UGT1A9: variants seen among roughly 807,000 people sequenced by gnomAD.
UGT1A9 encodes the protein UDP glucuronosyltransferase family 1 member A9.
UGT1A9 carries 35 observed loss-of-function variants against 45.0 expected under a neutral mutation model. The ratio of observed to expected loss-of-function variants is 0.78; its 90% CI spans 0.59 to 1.03. UGT1A9 has a LOEUF of 1.03. UGT1A9 is among the 50% of genes least tolerant of loss of function. The pLI, the probability that UGT1A9 is intolerant of heterozygous loss-of-function variation, is 0.00. For missense variants in UGT1A9, 687 were observed against 666.6 expected (o/e 1.03, Z -0.34); for synonymous variants, 278 against 250.6 (o/e 1.11, Z -1.03).
At chr2:233,743,699 G>C (rs780880081) in intron 1 of UGT1A9, 1 of 1,367,268 alleles carries the variant, frequency 7.3e-7, no homozygotes, top group Non-Finnish European at 9.8e-7. Flanking sequence ...GCCGCCCTCC[G>C]CCCCCGCCTC....
At chr2:233,768,541 A>G in intron 4 of UGT1A9, 102 bp downstream of exon 4, 3 of 1,492,216 alleles carry the variant, frequency 2.0e-6, no homozygotes, top group South Asian at 1.3e-5. Context: ...GTTGTTTCAA[A>G]TATAAAAACA....
intron 1 of UGT1A9, among the ~76,000 whole-genome samples, chr2:233,700,387 T>C (rs887496616): frequency 6.6e-6 from 1 of 152,216 alleles, no homozygotes; most frequent in African/African-American, 2.4e-5. Flanking sequence ...TCCAGGCATG[T>C]GGAACATTTT....
intron 1 of UGT1A9, among the ~76,000 whole-genome samples, chr2:233,702,498 T>C (rs1372643212): frequency 6.6e-6 from 1 of 152,198 alleles, no homozygotes; most frequent in Non-Finnish European, 1.5e-5. Context: ...TAGTACCGTG[T>C]TGAATAGAAG....
At chr2:233,724,684 G>A (rs1018251695) in intron 1 of UGT1A9, among the ~76,000 whole-genome samples, 5 of 144,476 alleles carry the variant, frequency 3.5e-5, no homozygotes, top group Non-Finnish European at 6.0e-5. Context: ...ATGGGATGGC[G>A]GCCGGGTGAA....
At chr2:233,702,416 C>T (rs186724566) in intron 1 of UGT1A9, among the ~76,000 whole-genome samples, 47 of 152,146 alleles carry the variant, frequency 3.1e-4, no homozygotes, top group African/African-American at 1.1e-3. Context: ...ATAGAGATAG[C>T]GTTACTTCTT....
In UGT1A9 at chr2:233,769,639, C is replaced by T; in HGVS notation, c.1295+1200C>T. 2.5e-6 allele frequency: 4 copies of T among 1,609,972 alleles called. No homozygotes were observed. The highest frequency in any genetic ancestry group is 1.3e-5 in the African/African-American group (1 of 75,022). The stretch of plus-strand genomic sequence containing the variant: ...TTGAGCAAGGGACAACAGGGGAGGA[C>T]TGATGACTGACTTCCCACCTTTGAG... On this transcript the variant is annotated intron_variant, in intron 4 of 4. Transcript: ENST00000354728. This position sits in a 1 kb window ranked among gnomAD's most constrained non-coding sequence, Gnocchi z 4.4.
chr2:233,760,801 T>G (rs1365770885), intron 1 of UGT1A9: 2 of 1,613,398 alleles, frequency 1.2e-6, no homozygotes, highest in South Asian at 1.1e-5. Context: ...TGTATTCTTC[T>G]TGCATGCACT....
chr2:233,696,348 T>G (rs2075339428), intron 1 of UGT1A9, among the ~76,000 whole-genome samples: 1 of 152,086 alleles, frequency 6.6e-6, no homozygotes, highest in Non-Finnish European at 1.5e-5. Flanking sequence ...ATCTTTCACT[T>G]CCTTCCTTAA....
rs2126030462 is a variant in UGT1A9 at position 233,767,128 on chromosome 2, T to C, written c.950T>C (p.Met317Thr). The change falls in exon 2 of 5, where the codon ATG (methionine) becomes ACG (threonine). Residue 317 changes from methionine to threonine, a missense_variant. Transcript: ENST00000354728. Reference protein sequence around the residue: ...MVSEIPEKKAMAIADALGKIP... With the variant: ...MVSEIPEKKATAIADALGKIP... ...TCAGAAATTCCAGAGAAGAAAGCTA[T>C]GGCAATTGCTGATGCTTTGGGCAAA... 1 of 1,614,150 alleles carries C rather than the reference T, an allele frequency of 6.2e-7. No individual in the cohort carries two copies. The highest frequency in any genetic ancestry group is 1.3e-5 in the African/African-American group (1 of 75,052).
At position 233,769,677 on chromosome 2, in the gene UGT1A9, G is replaced by A; in HGVS notation, c.1295+1238G>A. 6.3e-6 allele frequency: 10 copies of A among 1,577,312 alleles called. No homozygotes were observed. Among genetic ancestry groups the A allele is most frequent in the Non-Finnish European group, 8.6e-6 (10 of 1,161,616 alleles). ...TCCCACCTTTGAGGTGCTAATGTGT[G>A]TGTGGTGGCACTGGATAAAAGATCA... On this transcript the variant is annotated intron_variant, in intron 4 of 4. Transcript: ENST00000354728. The surrounding 1 kb of genome is among the most constrained non-coding windows in gnomAD (Gnocchi z 4.4).
chr2:233,730,885 G>C (rs948643464), intron 1 of UGT1A9, among the ~76,000 whole-genome samples: 12 of 152,158 alleles, frequency 7.9e-5, no homozygotes, highest in South Asian at 2.1e-4. Flanking sequence ...TTTCTATAGT[G>C]GGATCTACTC....
intron 1 of UGT1A9, chr2:233,713,109 C>G: frequency 2.5e-6 from 4 of 1,614,208 alleles, no homozygotes; most frequent in Non-Finnish European, 3.4e-6. Flanking sequence ...TGATGGCAGC[C>G]ACTGGCTCAG....
At chr2:233,731,988 G>T (rs2078227484) in intron 1 of UGT1A9, among the ~76,000 whole-genome samples, 1 of 152,200 alleles carries the variant, frequency 6.6e-6, no homozygotes, top group South Asian at 2.1e-4. Flanking sequence ...TAACTGGCGT[G>T]AGATGGTATC....
chr2:233,721,727 T>TA, intron 1 of UGT1A9: 1 of 404,726 alleles, frequency 2.5e-6, no homozygotes, highest in South Asian at 1.9e-5. Flanking sequence ...TTTACTTGGA[T>TA]AAGCTTAATG....
intron 1 of UGT1A9, among the ~76,000 whole-genome samples, chr2:233,681,594 C>T (rs530753313): frequency 6.7e-6 from 1 of 149,680 alleles, no homozygotes; most frequent in Admixed American, 6.6e-5. Flanking sequence ...AAATTATTAG[C>T]TTCGTTCAAA....
chr2:233,729,675 G>A, intron 1 of UGT1A9: 1 of 1,613,858 alleles, frequency 6.2e-7, no homozygotes, highest in Non-Finnish European at 8.5e-7. Flanking sequence ...TAGACTTTAA[G>A]GGCACACAGT....
At chr2:233,673,873 C>T (rs2074267276) in intron 1 of UGT1A9, among the ~76,000 whole-genome samples, 1 of 152,150 alleles carries the variant, frequency 6.6e-6, no homozygotes, top group Non-Finnish European at 1.5e-5. Flanking sequence ...AAAGAATTCC[C>T]TTCTCTGATA....
At chr2:233,681,997 T>C in intron 1 of UGT1A9, 2 of 1,614,180 alleles carry the variant, frequency 1.2e-6, no homozygotes, top group South Asian at 2.2e-5. Flanking sequence ...TGCTGACCTG[T>C]GGCTTTGCCA....
In UGT1A9 at chr2:233,725,076, A is replaced by G. The variant is rs376662690; in HGVS notation, c.856-41958A>G. ...GCGGCGCGCGCCTGCAATCGCAGGC[A>G]CTCGGCAGGCTGAGGCAGGAGAATC... On this transcript the variant is annotated intron_variant, in intron 1 of 4. Transcript: ENST00000354728. 5.6e-3 allele frequency among the ~76,000 whole-genome samples: 814 copies of G among 144,798 alleles called. 36 individuals carry two copies. Among genetic ancestry groups the G allele is most frequent in the Non-Finnish European group, 8.9e-3 (583 of 65,736 alleles). 95.0% of individuals were successfully genotyped at this position (144,798 alleles called of 152,430 possible).
Sources: allele counts gnomAD v4.1 joint callset (sites outside exome capture counted in the v4.1 genomes callset), GRCh38; gene constraint gnomAD v4.1.1; non-coding constraint Gnocchi (gnomAD v3.1); transcripts MANE v1.5; gene names NCBI Gene and HGNC (gene_info 2026-07-23, HGNC 2026-07-21).